The following PGAP2 variants were observed in gnomAD, a reference collection of about 807,000 sequenced individuals.
PGAP2 encodes acyltransferase PGAP2.
A neutral mutation model predicts 33.2 loss-of-function variants in PGAP2; 21 were observed. The ratio of observed to expected loss-of-function variants is 0.63; its 90% confidence interval spans 0.45 to 0.91. PGAP2 has a LOEUF of 0.91. PGAP2 is among the 40% of genes least tolerant of loss of function. The probability of loss-of-function intolerance (pLI) is 0.00; values close to 1 mark genes in which losing one functional copy is unlikely to be tolerated. For missense variants in PGAP2, 345 were observed against 424.0 expected, an observed-to-expected ratio of 0.81 and a Z score of 1.64; for synonymous variants, 161 against 172.9, an observed-to-expected ratio of 0.93 and a Z score of 0.54.
chr11:3,820,883 C>G (rs1263675281), intron 3 of PGAP2, among the ~76,000 whole-genome samples: 1 of 152,134 alleles, frequency 6.6e-6, no homozygotes, highest in Non-Finnish European at 1.5e-5. Context: ...GTGTTATACC[C>G]ATTTTACCAA....
chr11:3,820,259 T>C (rs1468426301), intron 3 of PGAP2, among the ~76,000 whole-genome samples: 1 of 152,222 alleles, frequency 6.6e-6, no homozygotes, highest in South Asian at 2.1e-4. Context: ...GACCTTCCCA[T>C]GCTCTGTGGC....
chr11:3,800,271 T>C (rs2083254341), intron 1 of PGAP2, among the ~76,000 whole-genome samples: 1 of 152,204 alleles, frequency 6.6e-6, no homozygotes, highest in African/African-American at 2.4e-5. Flanking sequence ...TCTTGCCCTT[T>C]AATCTCCAAG....
chr11:3,807,707 G>C (rs2084672401), upstream of PGAP2, among the ~76,000 whole-genome samples: 1 of 152,210 alleles, frequency 6.6e-6, no homozygotes, highest in Non-Finnish European at 1.5e-5. Flanking sequence ...GAGGATTTAA[G>C]TGGAAAAGTG....
chr11:3,824,124 C>G lies in PGAP2; in HGVS notation c.590C>G (p.Ser197Cys). The change falls in exon 4 of 7, where the codon TCC (serine) becomes TGC (cysteine). Residue 197 changes from serine (S) to cysteine (C), a missense_variant. Transcript: ENST00000278243. Reference protein sequence around the residue: ...ALLVLTYVSSSEDFTIHENAF... With the variant: ...ALLVLTYVSSCEDFTIHENAF... Reference sequence around the variant, plus strand: ...CTAGTGCTCACTTATGTCTCCTCCTCCGAGGACTTCAGTGGGTGCCTGGAT... The same window carrying G: ...CTAGTGCTCACTTATGTCTCCTCCTGCGAGGACTTCAGTGGGTGCCTGGAT... The G allele has an allele frequency of 6.2e-7, 1 of 1,614,068 alleles. No individual in the cohort carries two copies. The highest frequency in any genetic ancestry group is 8.5e-7 in the Non-Finnish European group (1 of 1,179,960).
rs1258435874 is a variant in PGAP2 at position 3,811,321 on chromosome 11, T to C, written c.62T>C (p.Met21Thr). The C allele has an allele frequency of 1.9e-6, 3 of 1,614,060 alleles. No individual in the cohort carries two copies. The highest frequency in any genetic ancestry group is 2.5e-6 in the Non-Finnish European group (3 of 1,179,930). ...DGTLVRLRFT[M>T]VALVTVCCPL... is the part of the protein sequence containing the mutation. ...ACCCTGGTACGGCTCCGCTTCACCA[T>C]GGTGGCCCTGGTCACGGTCTGCTGT... is the stretch of plus-strand genomic sequence containing the variant. Residue 21 changes from methionine (M) to threonine (T), a missense_variant, in exon 2 of 7, where the codon ATG becomes ACG. Coordinates refer to ENST00000278243, the MANE Select transcript of PGAP2 (RefSeq NM_014489.4). The surrounding 1 kb of genome is among the most constrained non-coding windows in gnomAD (Gnocchi z 4.6).
rs2089905631 is a variant in PGAP2 at position 3,825,671 on chromosome 11, A to G, written c.*213A>G. The G allele has an allele frequency of 2.7e-6, 1 of 366,618 alleles. No homozygotes were observed. Among genetic ancestry groups the G allele is most frequent in the South Asian group, 4.0e-5 (1 of 25,246 alleles). 22.7% of individuals were successfully genotyped at this position (366,618 alleles called of 1,614,324 possible). ...CGTGGGGTCCTCAAACATCACCTTT[A>G]CCTGAGAGGCCCCAAGAAGCTGAGC... On this transcript the variant is annotated 3_prime_UTR_variant, in exon 7 of 7. Transcript: ENST00000278243.
At chr11:3,817,843 A>T (rs866196480) in intron 3 of PGAP2, 1 of 532,280 alleles carries the variant, frequency 1.9e-6, no homozygotes, top group South Asian at 1.5e-5. Flanking sequence ...GTTCAGTTCG[A>T]GACCAGCCTG....
intron 1 of PGAP2, among the ~76,000 whole-genome samples, chr11:3,809,282 T>C (rs796346049): frequency 2.4e-4 from 36 of 152,292 alleles, no homozygotes; most frequent in African/African-American, 7.7e-4. Flanking sequence ...GGCTGAACAA[T>C]TGCCCTTCAG....
intron 3 of PGAP2, chr11:3,822,970 G>C (rs2089166797): frequency 6.5e-7 from 1 of 1,531,698 alleles, no homozygotes; most frequent in Non-Finnish European, 8.8e-7. Flanking sequence ...ACAAGAACAT[G>C]GTCATTTCCT....
intron 1 of PGAP2, among the ~76,000 whole-genome samples, chr11:3,803,181 CAG>C: frequency 1.3e-5 from 2 of 152,066 alleles, no homozygotes; most frequent in Admixed American, 1.3e-4. Context: ...TTAGTAGAGA[CAG>C]GGTTTCACCA....
chr11:3,817,643 A>G (rs2134689122), intron 3 of PGAP2, 108 bp downstream of exon 3: 1 of 910,192 alleles, frequency 1.1e-6, no homozygotes, highest in East Asian at 2.5e-5. Context: ...AGGGAAAGGG[A>G]CAAGGGGATG....
chr11:3,820,893 A>G lies in PGAP2; in HGVS notation c.349-2990A>G, dbSNP rs1201170625. On this transcript the variant is annotated intron_variant, in intron 3 of 6. Transcript: ENST00000278243. Reference sequence around the variant, plus strand: ...AGGTGGTGTTATACCCATTTTACCAATGAGGAAATTGGAGCTCAGAGAGGT... The same window carrying G: ...AGGTGGTGTTATACCCATTTTACCAGTGAGGAAATTGGAGCTCAGAGAGGT... 2.6e-5 allele frequency among the ~76,000 whole-genome samples: 4 copies of G among 152,222 alleles called. No individual in the cohort carries two copies. In the East Asian group the frequency reaches 5.8e-4, roughly 22 times the overall value.
At chr11:3,814,772 C>CTT (rs779048281) in intron 2 of PGAP2, among the ~76,000 whole-genome samples, 1 of 101,030 alleles carries the variant, frequency 9.9e-6, no homozygotes, top group Non-Finnish European at 2.4e-5. Flanking sequence ...TTCTTTCTTT[C>CTT]TTTCTTTCTT....
chr11:3,812,940 C>A (rs1369037875), intron 2 of PGAP2, among the ~76,000 whole-genome samples: 1 of 152,122 alleles, frequency 6.6e-6, no homozygotes, highest in African/African-American at 2.4e-5. Flanking sequence ...GAAGGAGTAC[C>A]CTTTTGTGAC....
chr11:3,802,114 ATGTCT>A (rs2083550470), intron 1 of PGAP2, among the ~76,000 whole-genome samples: 1 of 145,448 alleles, frequency 6.9e-6, no homozygotes, highest in African/African-American at 2.5e-5. Context: ...TCTGAAAGAA[ATGTCT>A]TGAATGAGTA....
At chr11:3,824,935 C>T (rs2089742391) in intron 5 of PGAP2, 85 bp from the exon 6 acceptor site, 1 of 1,584,062 alleles carries the variant, frequency 6.3e-7, no homozygotes, top group Non-Finnish European at 8.6e-7. Flanking sequence ...AGATAAGGCC[C>T]AGCCCTTAGG....
upstream of PGAP2, among the ~76,000 whole-genome samples, chr11:3,803,573 T>C (rs1170272084): frequency 6.6e-6 from 1 of 151,052 alleles, no homozygotes; most frequent in Non-Finnish European, 1.5e-5. Flanking sequence ...GATTACAGGC[T>C]TCCACCACCA....
chr11:3,801,720 A>C (rs183645489), intron 1 of PGAP2, among the ~76,000 whole-genome samples: 1,622 of 150,070 alleles, frequency 0.011, 18 homozygotes, highest in South Asian at 0.032. Context: ...TGAGGCGGGC[A>C]GATCACCTGA....
In PGAP2 at chr11:3,825,024, G is replaced by T. The variant is rs774843232; in HGVS notation, c.713G>T (p.Arg238Leu). 12 of 1,614,024 alleles carry T rather than the reference G, an allele frequency of 7.4e-6. No individual in the cohort carries two copies. Among genetic ancestry groups the T allele is most frequent in the Admixed American group, 6.7e-5 (4 of 59,996 alleles). The change falls in exon 6 of 7, where the codon CGC becomes CTC. Residue 238 changes from arginine to leucine, a missense_variant. By Grantham distance (102) the Arg-to-Leu change is moderately radical. This residue lies in a region of PGAP2 where 311 missense variants were observed against 353.6 expected (regional missense o/e 0.88). Transcript: ENST00000278243. ...ATCAGACAGCCCATTCCCTAGGATC[G>T]CAAGTCCTACAGCTGGAAACAGCGG... Reference protein sequence around the residue: ...TKKHTVSQEDRKSYSWKQRLF... With the variant: ...TKKHTVSQEDLKSYSWKQRLF...
Sources: allele counts gnomAD v4.1 joint callset (sites outside exome capture counted in the v4.1 genomes callset), GRCh38; gene constraint gnomAD v4.1.1; regional missense constraint gnomAD v4.1.1; non-coding constraint Gnocchi (gnomAD v3.1); transcripts MANE v1.5; gene names NCBI Gene and HGNC (gene_info 2026-07-23, HGNC 2026-07-21).